Variants in FHIT observed in about 807,000 individuals in gnomAD.
FHIT encodes the protein fragile histidine triad diadenosine triphosphatase.
FHIT carries 19 observed loss-of-function variants against 17.9 expected under a neutral mutation model. That is an observed-to-expected ratio of 1.06 (90% CI 0.74 to 1.56). The LOEUF is 1.56. Among genes scored for constraint, FHIT ranks in the 40% most tolerant of loss-of-function variants. FHIT has a pLI of 0.00. For missense variants in FHIT, 248 were observed against 189.2 expected (o/e 1.31, Z -1.82); for synonymous variants, 81 against 69.7 (o/e 1.16, Z -0.81).
chr3:60,089,239 T>C (rs1242455230), intron 5 of FHIT, among the ~76,000 whole-genome samples: 1 of 152,220 alleles, frequency 6.6e-6, no homozygotes. Context: ...TTAATATTTG[T>C]TGACTTCATG....
chr3:60,824,258 A>G (rs1408470718), intron 3 of FHIT, among the ~76,000 whole-genome samples: 1 of 152,226 alleles, frequency 6.6e-6, no homozygotes, highest in East Asian at 1.9e-4. Context: ...AAAACTGGTC[A>G]GTCCTATGCG....
chr3:59,934,570 G>C (rs1299552040), intron 7 of FHIT, among the ~76,000 whole-genome samples: 1 of 152,100 alleles, frequency 6.6e-6, no homozygotes, highest in Non-Finnish European at 1.5e-5. Flanking sequence ...AGATGTATTA[G>C]TCTGTTCTCA....
intron 4 of FHIT, among the ~76,000 whole-genome samples, chr3:60,544,250 T>C (rs1016085698): frequency 6.6e-6 from 1 of 151,954 alleles, no homozygotes; most frequent in Non-Finnish European, 1.5e-5. Context: ...TAAACTTCTT[T>C]TTTTTTGTAT....
intron 4 of FHIT, among the ~76,000 whole-genome samples, chr3:60,738,271 T>C (rs1459240430): frequency 2.0e-5 from 3 of 152,310 alleles, no homozygotes; most frequent in Non-Finnish European, 4.4e-5. Context: ...ATATGGCTTA[T>C]AGGGCCCTGT....
chr3:60,559,646 G>C (rs533661396), intron 4 of FHIT, among the ~76,000 whole-genome samples: 1 of 152,120 alleles, frequency 6.6e-6, no homozygotes, highest in African/African-American at 2.4e-5. Context: ...CCAAGCGCTT[G>C]CTAATATCCA....
intron 3 of FHIT, among the ~76,000 whole-genome samples, chr3:60,981,129 T>A (rs551434555): frequency 1.3e-5 from 2 of 152,308 alleles, no homozygotes; most frequent in East Asian, 3.9e-4. Context: ...CCAGTACTTC[T>A]GGCATGAAAG....
intron 5 of FHIT, among the ~76,000 whole-genome samples, chr3:60,249,689 G>GACACACACACAC (rs59885844): frequency 0.13 from 17,540 of 137,162 alleles, 1,340 homozygotes; most frequent in Admixed American, 0.18. Flanking sequence ...ATACAGCCAA[G>GACACACACACAC]ACACACACAC....
intron 6 of FHIT, among the ~76,000 whole-genome samples, chr3:60,013,613 C>T (rs1700223260): frequency 6.6e-6 from 1 of 152,172 alleles, no homozygotes; most frequent in African/African-American, 2.4e-5. Flanking sequence ...AAAGGTAAGG[C>T]CCAACCTAAG....
chr3:60,176,674 A>G (rs1218556189), intron 5 of FHIT, among the ~76,000 whole-genome samples: 1 of 152,154 alleles, frequency 6.6e-6, no homozygotes, highest in Non-Finnish European at 1.5e-5. Flanking sequence ...AAATGTCCCA[A>G]AGACTTGGAG....
At chr3:59,788,877 A>ATTTT (rs1699421437) in intron 8 of FHIT, among the ~76,000 whole-genome samples, 1 of 42,758 alleles carries the variant, frequency 2.3e-5, no homozygotes, top group South Asian at 1.0e-3. Flanking sequence ...TGCTGAGTTC[A>ATTTT]TATGTTTTTT....
intron 1 of FHIT, among the ~76,000 whole-genome samples, chr3:61,235,087 T>C (rs1199514672): frequency 6.6e-6 from 1 of 152,260 alleles, no homozygotes; most frequent in African/African-American, 2.4e-5. Context: ...TAATTTGCTA[T>C]GTCATTGATA....
At chr3:60,085,426 T>G (rs1165292265) in intron 5 of FHIT, among the ~76,000 whole-genome samples, 1 of 152,146 alleles carries the variant, frequency 6.6e-6, no homozygotes, top group Non-Finnish European at 1.5e-5. Flanking sequence ...TATATATAAA[T>G]TAAAGCATCA....
intron 5 of FHIT, among the ~76,000 whole-genome samples, chr3:60,071,064 C>T (rs1702747451): frequency 6.6e-6 from 1 of 152,118 alleles, no homozygotes; most frequent in South Asian, 2.1e-4. Flanking sequence ...TAGGATCCTC[C>T]CTCTATATTT....
intron 8 of FHIT, among the ~76,000 whole-genome samples, chr3:59,838,098 G>A (rs547758050): frequency 7.9e-5 from 12 of 151,842 alleles, no homozygotes; most frequent in African/African-American, 1.2e-4. Context: ...ATTCACTCTC[G>A]CTGTCCCACT....
intron 4 of FHIT, among the ~76,000 whole-genome samples, chr3:60,789,985 T>C (rs1553728081): frequency 1.3e-5 from 2 of 152,208 alleles, no homozygotes; most frequent in Non-Finnish European, 2.9e-5. Context: ...TGGTAAAAGA[T>C]CTTTTGGATT....
chr3:59,919,476 T>C (rs1705300370), intron 8 of FHIT, among the ~76,000 whole-genome samples: 1 of 152,212 alleles, frequency 6.6e-6, no homozygotes. Context: ...ATCTTCCCTC[T>C]ACAAGTCTTC....
chr3:61,011,917 G>A (rs2031813219), intron 3 of FHIT, among the ~76,000 whole-genome samples: 1 of 152,146 alleles, frequency 6.6e-6, no homozygotes, highest in East Asian at 1.9e-4. Context: ...GCATGGGAAG[G>A]ACCACAAGGA....
chr3:60,009,163 T>TTGTGTGTG (rs781608497), intron 7 of FHIT, among the ~76,000 whole-genome samples: 14 of 128,880 alleles, frequency 1.1e-4, no homozygotes, highest in East Asian at 7.7e-4. Context: ...CTCTGGGATT[T>TTGTGTGTG]TATGTGTGTG....
intron 4 of FHIT, among the ~76,000 whole-genome samples, chr3:60,713,575 A>T (rs1256940655): frequency 6.6e-6 from 1 of 152,118 alleles, no homozygotes; most frequent in Admixed American, 6.5e-5. Context: ...AATAGACACA[A>T]TAAAAAATGA....
Sources: allele counts gnomAD v4.1 joint callset (sites outside exome capture counted in the v4.1 genomes callset), GRCh38; gene constraint gnomAD v4.1.1; transcripts MANE v1.5; gene names NCBI Gene and HGNC (gene_info 2026-07-23, HGNC 2026-07-21).